TLE4: variants seen among roughly 807,000 people sequenced by gnomAD.
TLE4 encodes the protein TLE family member 4, transcriptional corepressor, also known as transducin-like enhancer protein 4.
TLE4 carries 8 observed loss-of-function variants against 92.8 expected under a neutral mutation model. That is an observed-to-expected ratio of 0.09 (90% CI 0.05 to 0.16). TLE4 has a LOEUF of 0.16. Ranked by LOEUF, TLE4 falls within the 10% of genes least tolerant of loss-of-function variation. TLE4 has a pLI of 1.00. For synonymous variants in TLE4, 371 were observed against 374.1 expected (o/e 0.99, Z 0.10); for missense variants, 675 against 997.6 (o/e 0.68, Z 4.36).
In TLE4 at chr9:79,725,339, C is replaced by T. The variant is rs2136332783; in HGVS notation, c.*195C>T. The T allele has an allele frequency of 2.1e-6, 1 of 466,080 alleles. No homozygotes were observed. The highest frequency in any genetic ancestry group is 3.8e-5 in the East Asian group (1 of 26,022). 28.9% of individuals were successfully genotyped at this position (466,080 alleles called of 1,614,324 possible). ...GAATAGTCATTAAAAACCTGTGATA[C>T]CAAATCTTCAGCTGTCTACTTGGAA... On this transcript the variant is annotated 3_prime_UTR_variant, in exon 20 of 20. Coordinates refer to ENST00000376552, the MANE Select transcript of TLE4 (RefSeq NM_007005.6).
chr9:79,610,322 T>G (rs2807309), intron 4 of TLE4, among the ~76,000 whole-genome samples: 17,620 of 152,046 alleles, frequency 0.12, 1,007 homozygotes, highest in East Asian at 0.15. Flanking sequence ...TAGACTCAGT[T>G]TCAAAACATA....
chr9:79,585,285 G>T (rs1297867655), intron 4 of TLE4, among the ~76,000 whole-genome samples: 4 of 152,132 alleles, frequency 2.6e-5, no homozygotes, highest in Non-Finnish European at 5.9e-5. Flanking sequence ...GTATGTTGGG[G>T]CTGAGACACA....
intron 4 of TLE4, among the ~76,000 whole-genome samples, chr9:79,600,955 A>G (rs1404893362): frequency 1.3e-5 from 2 of 152,152 alleles, no homozygotes; most frequent in Non-Finnish European, 1.5e-5. Context: ...CACTCGAGAT[A>G]ACATTATAGA....
intron 4 of TLE4, among the ~76,000 whole-genome samples, chr9:79,602,826 GA>G (rs2045958847): frequency 6.6e-6 from 1 of 152,154 alleles, no homozygotes; most frequent in Non-Finnish European, 1.5e-5. Flanking sequence ...TTCTTCTGGT[GA>G]ATCTGAGCAA....
chr9:79,600,964 G>A (rs2045499499), intron 4 of TLE4, among the ~76,000 whole-genome samples: 1 of 152,170 alleles, frequency 6.6e-6, no homozygotes, highest in Admixed American at 6.5e-5. Flanking sequence ...TAACATTATA[G>A]AGATTTCTCA....
At chr9:79,643,803 T>C (rs2057609307) in intron 6 of TLE4, among the ~76,000 whole-genome samples, 1 of 152,216 alleles carries the variant, frequency 6.6e-6, no homozygotes, top group South Asian at 2.1e-4. Context: ...ATATCGATGG[T>C]TGAGTCTGTC....
intron 4 of TLE4, among the ~76,000 whole-genome samples, chr9:79,605,253 C>A (rs2046542412): frequency 6.6e-6 from 1 of 152,064 alleles, no homozygotes; most frequent in African/African-American, 2.4e-5. Flanking sequence ...TCCCACTTTT[C>A]CCTCCCATCC....
chr9:79,592,961 A>C (rs1251685588), intron 4 of TLE4, among the ~76,000 whole-genome samples: 1 of 152,242 alleles, frequency 6.6e-6, no homozygotes, highest in Non-Finnish European at 1.5e-5. Context: ...TGAAATTACA[A>C]TAGATGCTTT....
chr9:79,685,208 C>A (rs1008125329), intron 8 of TLE4, among the ~76,000 whole-genome samples: 2 of 152,150 alleles, frequency 1.3e-5, no homozygotes, highest in African/African-American at 4.8e-5. Flanking sequence ...GGGTTCTAAA[C>A]CCATATAAGA....
chr9:79,706,710 C>A (rs758116662), intron 10 of TLE4, 37 bp from the exon 11 acceptor site: 1 of 1,593,112 alleles, frequency 6.3e-7, no homozygotes, highest in Admixed American at 1.8e-5. Context: ...TATAAATGTG[C>A]TGTGCTTGCA....
chr9:79,601,222 T>C (rs2045571102), intron 4 of TLE4, among the ~76,000 whole-genome samples: 1 of 152,242 alleles, frequency 6.6e-6, no homozygotes. Context: ...TTGCACACTA[T>C]GATAATTTAT....
intron 8 of TLE4, among the ~76,000 whole-genome samples, chr9:79,702,540 A>G (rs1035120925): frequency 1.3e-5 from 2 of 152,234 alleles, no homozygotes; most frequent in East Asian, 1.9e-4. Context: ...GCAGAGATAC[A>G]CAAAAGTCAA....
chr9:79,695,191 G>T (rs2067963732), intron 8 of TLE4, among the ~76,000 whole-genome samples: 1 of 152,124 alleles, frequency 6.6e-6, no homozygotes, highest in African/African-American at 2.4e-5. Context: ...TGGGGGAGGG[G>T]CCTGCATCCT....
chr9:79,684,907 T>C (rs2065502080), intron 8 of TLE4, among the ~76,000 whole-genome samples: 1 of 152,146 alleles, frequency 6.6e-6, no homozygotes, highest in Non-Finnish European at 1.5e-5. Flanking sequence ...TTGCAGCCAA[T>C]ATTGCAGTCA....
chr9:79,625,493 T>C (rs1388777452), intron 5 of TLE4, among the ~76,000 whole-genome samples: 1 of 152,180 alleles, frequency 6.6e-6, no homozygotes, highest in African/African-American at 2.4e-5. Flanking sequence ...TTCCGGTGTC[T>C]ACACTAACTG....
intron 4 of TLE4, among the ~76,000 whole-genome samples, chr9:79,606,438 T>C (rs961746802): frequency 1.3e-5 from 2 of 151,084 alleles, no homozygotes; most frequent in African/African-American, 4.9e-5. Context: ...GCAGGTTTGT[T>C]ACATAGGTAT....
intron 6 of TLE4, 140 bp from the exon 7 acceptor site, chr9:79,652,453 C>T: frequency 1.2e-6 from 1 of 843,542 alleles, no homozygotes; most frequent in East Asian, 2.5e-5. Flanking sequence ...TCCCAAAGTG[C>T]TGGGATTACA....
At chr9:79,671,017 G>T (rs1416960596) in intron 8 of TLE4, among the ~76,000 whole-genome samples, 1 of 151,678 alleles carries the variant, frequency 6.6e-6, no homozygotes, top group Non-Finnish European at 1.5e-5. Context: ...CAAACTAGAA[G>T]TGTGCCAGGC....
At chr9:79,679,429 A>T (rs1406661287) in intron 8 of TLE4, among the ~76,000 whole-genome samples, 3 of 152,044 alleles carry the variant, frequency 2.0e-5, no homozygotes, top group Non-Finnish European at 4.4e-5. Flanking sequence ...TTTTGAGAAG[A>T]GTCTGTTCAT....
Sources: gnomAD v4.1 joint callset for allele counts (sites outside exome capture counted in the v4.1 genomes callset) on GRCh38, gnomAD v4.1.1 for gene constraint, MANE v1.5 for transcripts, NCBI Gene and HGNC (gene_info 2026-07-23, HGNC 2026-07-21) for gene names.